The following DDAH1 variants were observed in gnomAD, a reference collection of about 807,000 sequenced individuals.
DDAH1 encodes the protein N(G),N(G)-dimethylarginine dimethylaminohydrolase 1.
In DDAH1, 19 loss-of-function variants were observed where a neutral mutation model predicts 28.8. The ratio of observed to expected loss-of-function variants is 0.66; its 90% CI spans 0.46 to 0.97. DDAH1 has a LOEUF of 0.97. Ranked by LOEUF, DDAH1 falls within the 50% of genes least tolerant of loss-of-function variation. The probability of loss-of-function intolerance (pLI) is 0.00; values close to 1 mark genes in which losing one functional copy is unlikely to be tolerated. For missense variants in DDAH1, 326 were observed against 375.9 expected (o/e 0.87, Z 1.10); for synonymous variants, 153 against 154.4 (o/e 0.99, Z 0.07).
intron 1 of DDAH1, among the ~76,000 whole-genome samples, chr1:85,411,675 C>G (rs1014298055): frequency 6.6e-6 from 1 of 152,234 alleles, no homozygotes; most frequent in African/African-American, 2.4e-5. Flanking sequence ...AAAGAGACAT[C>G]TGCAGTTCCT....
At chr1:85,498,033 C>T (rs1486364315) in intron 1 of DDAH1, among the ~76,000 whole-genome samples, 1 of 152,186 alleles carries the variant, frequency 6.6e-6, no homozygotes, top group Non-Finnish European at 1.5e-5. Context: ...GGAAATATAT[C>T]TCTTCAAATT....
intron 4 of DDAH1, among the ~76,000 whole-genome samples, chr1:85,331,011 TGGCCACA>T (rs1647726974): frequency 2.0e-5 from 3 of 152,210 alleles, no homozygotes; most frequent in African/African-American, 7.2e-5. Flanking sequence ...AGAATCATTG[TGGCCACA>T]CTGTCATGGT....
intron 1 of DDAH1, among the ~76,000 whole-genome samples, chr1:85,554,276 G>GTTTTTTTTTTTTTT (rs368410411): frequency 2.7e-5 from 3 of 110,710 alleles, no homozygotes; most frequent in African/African-American, 3.6e-5. Flanking sequence ...AATTGTAAGA[G>GTTTTTTTTTTTTTT]TTTTTTTTTT....
intron 1 of DDAH1, among the ~76,000 whole-genome samples, chr1:85,511,286 T>C (rs1240229281): frequency 6.6e-6 from 1 of 152,186 alleles, no homozygotes; most frequent in Non-Finnish European, 1.5e-5. Context: ...GAAATAAAGA[T>C]GTTCTTTGAA....
At chr1:85,497,793 C>G (rs1269118315) in intron 1 of DDAH1, among the ~76,000 whole-genome samples, 2 of 152,164 alleles carry the variant, frequency 1.3e-5, no homozygotes, top group Non-Finnish European at 2.9e-5. Context: ...AATGCAATTT[C>G]TCATGTTATA....
intron 1 of DDAH1, among the ~76,000 whole-genome samples, chr1:85,438,654 A>G (rs1164870040): frequency 1.3e-5 from 2 of 152,212 alleles, no homozygotes; most frequent in Non-Finnish European, 2.9e-5. Context: ...TCCTGCTTAA[A>G]CTGCAAATTC....
chr1:85,396,151 AT>A (rs1557576409), intron 1 of DDAH1, among the ~76,000 whole-genome samples: 2 of 152,160 alleles, frequency 1.3e-5, no homozygotes, highest in African/African-American at 4.8e-5. Context: ...CCTATTTTTG[AT>A]CAAGTGTTTG....
chr1:85,441,607 ACC>A (rs1654200694), intron 1 of DDAH1, among the ~76,000 whole-genome samples: 3 of 151,942 alleles, frequency 2.0e-5, no homozygotes, highest in Non-Finnish European at 4.4e-5. Flanking sequence ...AAAATTTGTT[ACC>A]CCTCTCAGAT....
At chr1:85,570,735 T>C (rs997664298) in intron 1 of DDAH1, among the ~76,000 whole-genome samples, 1 of 152,194 alleles carries the variant, frequency 6.6e-6, no homozygotes, top group Non-Finnish European at 1.5e-5. Context: ...GTTCACGTGA[T>C]GGCAATGATC....
chr1:85,322,598 CTACT>C (rs1484497980), intron 5 of DDAH1, among the ~76,000 whole-genome samples: 1 of 151,934 alleles, frequency 6.6e-6, no homozygotes, highest in Admixed American at 6.5e-5. Context: ...TGTCAACCTA[CTACT>C]TAAAGAATTA....
At chr1:85,391,840 C>T (rs1372524736) in intron 1 of DDAH1, among the ~76,000 whole-genome samples, 1 of 152,116 alleles carries the variant, frequency 6.6e-6, no homozygotes, top group Non-Finnish European at 1.5e-5. Flanking sequence ...AGAGACTGCC[C>T]CAAATATTTC....
intron 2 of DDAH1, among the ~76,000 whole-genome samples, chr1:85,484,366 G>A (rs1351748658): frequency 2.0e-5 from 3 of 152,016 alleles, no homozygotes; most frequent in African/African-American, 4.8e-5. Flanking sequence ...GCATACCACT[G>A]AGGGCAAGTA....
chr1:85,484,676 G>A (rs1447878247), intron 2 of DDAH1, among the ~76,000 whole-genome samples: 4 of 152,194 alleles, frequency 2.6e-5, no homozygotes, highest in African/African-American at 9.6e-5. Context: ...AATTGATAAT[G>A]CATGTCAATT....
intron 1 of DDAH1, among the ~76,000 whole-genome samples, chr1:85,382,788 T>C (rs1282497891): frequency 6.6e-6 from 1 of 152,348 alleles, no homozygotes; most frequent in East Asian, 1.9e-4. Context: ...ATCCTTGGGC[T>C]CTTAAGAATA....
intron 1 of DDAH1, among the ~76,000 whole-genome samples, chr1:85,396,614 G>A (rs937161046): frequency 1.3e-5 from 2 of 152,034 alleles, no homozygotes; most frequent in African/African-American, 2.4e-5. Flanking sequence ...ACAGCCACCT[G>A]GAAGTCCAAA....
chr1:85,424,774 TTCTC>T (rs1653315468), intron 1 of DDAH1, among the ~76,000 whole-genome samples: 1 of 152,052 alleles, frequency 6.6e-6, no homozygotes, highest in African/African-American at 2.4e-5. Context: ...ATTTTCCAAA[TTCTC>T]TCCAATGAGT....
intron 1 of DDAH1, among the ~76,000 whole-genome samples, chr1:85,523,904 T>C (rs897260): frequency 1.3e-5 from 2 of 152,170 alleles, no homozygotes; most frequent in African/African-American, 4.8e-5. Flanking sequence ...AGGCTGAACT[T>C]TGGCAGCCTT....
chr1:85,494,813 T>C, intron 2 of DDAH1: 1 of 152,440 alleles, frequency 6.6e-6, no homozygotes, highest in Non-Finnish European at 1.5e-5. Flanking sequence ...GGTCACTTGG[T>C]CTATCTCAGG....
At chr1:85,386,873 T>G (rs965539617) in intron 1 of DDAH1, among the ~76,000 whole-genome samples, 1 of 152,234 alleles carries the variant, frequency 6.6e-6, no homozygotes, top group Non-Finnish European at 1.5e-5. Context: ...GCATTCTGCA[T>G]GCCTGAAGAC....
Sources: allele counts gnomAD v4.1 joint callset (sites outside exome capture counted in the v4.1 genomes callset), GRCh38; gene constraint gnomAD v4.1.1; transcripts MANE v1.5; gene names NCBI Gene and HGNC (gene_info 2026-07-23, HGNC 2026-07-21).